BCAS3: variants seen among roughly 807,000 people sequenced by gnomAD.
BCAS3 encodes BCAS3 microtubule associated cell migration factor.
A neutral mutation model predicts 116.1 loss-of-function variants in BCAS3; 53 were observed. The observed-to-expected ratio is 0.46, with a 90% confidence interval of 0.37 to 0.57. BCAS3 has a LOEUF of 0.57. BCAS3 is among the 20% of genes least tolerant of loss of function. BCAS3 has a pLI of 0.00. For synonymous variants in BCAS3, 391 were observed against 408.2 expected (o/e 0.96, Z 0.51); for missense variants, 917 against 1,165.4 (o/e 0.79, Z 3.10).
chr17:60,699,756 CATT>C (rs1485250191), intron 4 of BCAS3, among the ~76,000 whole-genome samples: 1 of 149,840 alleles, frequency 6.7e-6, no homozygotes, highest in African/African-American at 2.5e-5. Context: ...AGAGGTATGT[CATT>C]ATTGGTGTTT....
chr17:61,040,787 C>T lies in BCAS3; in HGVS notation c.1929-5C>T, dbSNP rs1309360557. The T allele has an allele frequency of 6.2e-7, 1 of 1,611,376 alleles. No individual in the cohort carries two copies. The highest frequency in any genetic ancestry group is 1.7e-5 in the Admixed American group (1 of 60,012). ...AATATTAATATTCTTCTCCTGTTTC[C>T]TTAGAACCCCTCAATGGAATGAATT... On this transcript the variant is annotated splice_polypyrimidine_tract_variant and splice_region_variant and intron_variant, in intron 18 of 23. Coordinates refer to ENST00000407086, the MANE Select transcript of BCAS3 (RefSeq NM_017679.5).
At chr17:61,170,697 G>A (rs982350884) in intron 22 of BCAS3, among the ~76,000 whole-genome samples, 28 of 152,176 alleles carry the variant, frequency 1.8e-4, no homozygotes, top group Admixed American at 1.8e-3. Flanking sequence ...GTCAGAGCTC[G>A]TCGCTGGTAC....
intron 5 of BCAS3, among the ~76,000 whole-genome samples, chr17:60,714,135 C>T (rs566456933): frequency 1.9e-4 from 29 of 152,202 alleles, no homozygotes; most frequent in African/African-American, 6.7e-4. Flanking sequence ...CCGTGCCTGG[C>T]CTGCTTTTTA....
At chr17:61,158,430 T>C (rs2077985179) in intron 22 of BCAS3, among the ~76,000 whole-genome samples, 1 of 152,216 alleles carries the variant, frequency 6.6e-6, no homozygotes, top group Non-Finnish European at 1.5e-5. Context: ...CTCTAGGTTA[T>C]TCTAAAAATC....
chr17:61,214,485 T>C lies in BCAS3; in HGVS notation c.2425+129921T>C, dbSNP rs1172389459. Among the ~76,000 whole-genome samples the C allele has an allele frequency of 5.3e-5, 8 of 151,412 alleles. No individual in the cohort carries two copies. In the South Asian group the frequency reaches 1.5e-3, roughly 28 times the overall value. On this transcript the variant is annotated intron_variant, in intron 22 of 23. Transcript: ENST00000407086. The surrounding 1 kb of genome is among the most constrained non-coding windows in gnomAD (Gnocchi z 4.4). ...GGATCACAAGGTCAGGAGATGGAGA[T>C]CATCCTGGCTAACATGGTGAAACCC...
chr17:60,828,658 A>G (rs1001992022), intron 7 of BCAS3, among the ~76,000 whole-genome samples: 1 of 152,218 alleles, frequency 6.6e-6, no homozygotes, highest in Non-Finnish European at 1.5e-5. Flanking sequence ...TGTGTATATG[A>G]TTTTAAGATG....
At chr17:60,741,667 T>C (rs2041558791) in intron 5 of BCAS3, among the ~76,000 whole-genome samples, 1 of 152,204 alleles carries the variant, frequency 6.6e-6, no homozygotes. Flanking sequence ...CATCTATTGA[T>C]TTAAATCCAT....
chr17:61,292,807 C>T (rs942849147), intron 22 of BCAS3, among the ~76,000 whole-genome samples: 4 of 152,184 alleles, frequency 2.6e-5, no homozygotes, highest in African/African-American at 9.7e-5. Flanking sequence ...CTATCACTTA[C>T]ATGATGTCAT....
chr17:61,166,391 CTTTTTTTT>C (rs748083151), intron 22 of BCAS3, among the ~76,000 whole-genome samples: 5 of 33,726 alleles, frequency 1.5e-4, no homozygotes, highest in African/African-American at 4.2e-4. Flanking sequence ...CTCTCTCTCT[CTTTTTTTT>C]TTTTTTTTTT....
At chr17:60,801,465 T>C (rs1357121480) in intron 6 of BCAS3, among the ~76,000 whole-genome samples, 2 of 152,124 alleles carry the variant, frequency 1.3e-5, no homozygotes, top group African/African-American at 2.4e-5. Flanking sequence ...TCTTCCTTTC[T>C]GGTCTATGAC....
Position 61,388,859 on chromosome 17 carries a change from C to T in BCAS3, c.2594-3118C>T, listed in dbSNP as rs1033836770. 10 of 776,914 alleles carry T rather than the reference C, an allele frequency of 1.3e-5. No homozygotes were observed. Among genetic ancestry groups the T allele is most frequent in the South Asian group, 7.7e-5 (4 of 52,214 alleles). 48.1% of individuals were successfully genotyped at this position (776,914 alleles called of 1,614,324 possible). A position where few individuals can be genotyped will look rare whatever the true frequency, so the allele number is the denominator to read the frequency against. ...GGAGCAGAAGGGGTCTGAGAGGAGG[C>T]GTGGAGAAAAGCGCCCACAAAGCTG... On this transcript the variant is annotated intron_variant, in intron 23 of 23. Transcript: ENST00000407086. The surrounding 1 kb of genome is among the most constrained non-coding windows in gnomAD (Gnocchi z 6.5).
rs1034359571 is a variant in BCAS3 at position 61,387,189 on chromosome 17, G to C, written c.2594-4788G>C. Among the ~76,000 whole-genome samples the C allele has an allele frequency of 6.6e-6, 1 of 152,178 alleles. No individual in the cohort carries two copies. The highest frequency in any genetic ancestry group is 1.5e-5 in the Non-Finnish European group (1 of 68,034). On this transcript the variant is annotated intron_variant, in intron 23 of 23. Transcript: ENST00000407086. This position sits in a 1 kb window ranked among gnomAD's most constrained non-coding sequence, Gnocchi z 6.2. ...ACCCCTCCCGGGGAGTCTGCTGCCC[G>C]TCAACTCACAGCCTGGCAAAGGGGC... is the stretch of plus-strand genomic sequence containing the variant.
At chr17:60,890,856 T>G (rs1351583076) in intron 10 of BCAS3, among the ~76,000 whole-genome samples, 1 of 152,164 alleles carries the variant, frequency 6.6e-6, no homozygotes, top group Non-Finnish European at 1.5e-5. Flanking sequence ...TTGACAAAAT[T>G]AGGATGTGGT....
rs1344077038 is a variant in BCAS3, at chr17:61,204,984, T to C, written c.2425+120420T>C. On this transcript the variant is annotated intron_variant, in intron 22 of 23. Transcript: ENST00000407086. The surrounding 1 kb of genome is among the most constrained non-coding windows in gnomAD (Gnocchi z 4.2). ...GAAGGATCACCTGAGCCCAGAGAGG[T>C]TGAGGCTGCAGTGAGCCATGATTGT... Among the ~76,000 whole-genome samples, 5 of 151,976 alleles carry C rather than the reference T, an allele frequency of 3.3e-5. No homozygotes were observed. The highest frequency in any genetic ancestry group is 4.8e-5 in the African/African-American group (2 of 41,388).
chr17:60,714,776 A>G (rs184341138), intron 5 of BCAS3, among the ~76,000 whole-genome samples: 1 of 152,312 alleles, frequency 6.6e-6, no homozygotes, highest in East Asian at 1.9e-4. Context: ...ATGTCTAGGA[A>G]TATTATTAAT....
intron 23 of BCAS3, among the ~76,000 whole-genome samples, chr17:61,372,999 G>C (rs1274736079): frequency 6.6e-6 from 1 of 151,932 alleles, no homozygotes; most frequent in African/African-American, 2.4e-5. Context: ...AATAACTGTA[G>C]CTGCACCTTG....
intron 6 of BCAS3, among the ~76,000 whole-genome samples, chr17:60,759,222 T>G (rs1176416943): frequency 2.6e-5 from 4 of 152,234 alleles, no homozygotes; most frequent in African/African-American, 9.6e-5. Context: ...CGTTGAAACT[T>G]ATTTAATGGC....
intron 7 of BCAS3, among the ~76,000 whole-genome samples, chr17:60,859,682 C>T (rs1372001749): frequency 2.0e-5 from 3 of 151,774 alleles, no homozygotes; most frequent in Non-Finnish European, 4.4e-5. Flanking sequence ...GATTCTCCTT[C>T]CTCAGCCTCC....
Position 61,193,693 on chromosome 17 carries a change from G to T in BCAS3, c.2425+109129G>T, listed in dbSNP as rs1287697481. Among the ~76,000 whole-genome samples the T allele has an allele frequency of 8.3e-5, 12 of 145,204 alleles. No individual in the cohort carries two copies. The East Asian group carries it at 2.0e-3, about 25-fold the overall frequency. ...AATGGCTTGAACCCGGGAGGTGGAG[G>T]TTGCTGTGAGCCGAGATCGTGCCAT... On this transcript the variant is annotated intron_variant, in intron 22 of 23. Transcript: ENST00000407086.
Sources: allele counts gnomAD v4.1 joint callset (sites outside exome capture counted in the v4.1 genomes callset), GRCh38; gene constraint gnomAD v4.1.1; non-coding constraint Gnocchi (gnomAD v3.1); transcripts MANE v1.5; gene names NCBI Gene and HGNC (gene_info 2026-07-23, HGNC 2026-07-21).